The following IFNA5 variants were observed in gnomAD, a reference collection of about 807,000 sequenced individuals.
IFNA5 encodes the protein interferon alpha 5, also known as interferon alpha-5.
For missense variants in IFNA5, 267 were observed against 213.8 expected (o/e 1.25, Z -1.55); for synonymous variants, 95 against 77.6 (o/e 1.22, Z -1.18).
chr9:21,304,700 C>T lies in IFNA5; in HGVS notation c.557G>A (p.Arg186Lys), dbSNP rs970344223. 2 of 1,612,608 alleles carry T rather than the reference C, an allele frequency of 1.2e-6. No homozygotes were observed. Among genetic ancestry groups the T allele is most frequent in the African/African-American group, 2.7e-5 (2 of 74,806 alleles). The part of the protein sequence containing the change: ...SLSANLQERL[R>K]RKE Reference sequence around the variant, plus strand: ...TTGAACCAGTTTTCATTCCTTCCTCCTTAATCTTTCTTGCAAGTTTGCTGA... The same window carrying T: ...TTGAACCAGTTTTCATTCCTTCCTCTTTAATCTTTCTTGCAAGTTTGCTGA... The change falls in exon 1 of 1, where the codon AGG becomes AAG. Residue 186 changes from arginine (R) to lysine (K), a missense_variant. Physicochemically the swap from Arg to Lys is conservative, Grantham distance 26. Transcript: ENST00000610521.
In IFNA5 at chr9:21,304,560, A is replaced by G; in HGVS notation, c.*127T>C. 1 of 1,108,266 alleles carries G rather than the reference A, an allele frequency of 9.0e-7. No individual in the cohort carries two copies. The highest frequency in any genetic ancestry group is 1.3e-6 in the Non-Finnish European group (1 of 773,668). The allele number at this position is 1,108,266 out of a possible 1,614,324, so 68.7% of individuals were successfully genotyped here. On this transcript the variant is annotated 3_prime_UTR_variant, in exon 1 of 1. Transcript: ENST00000610521. ...AGAAGTGTTGCTTAACACGTGTGAA[A>G]CGTTTGAAAATTTTGATTCAACTCA...
chr9:21,304,725 A>T lies in IFNA5; in HGVS notation c.532T>A (p.Ser178Thr), dbSNP rs1276797549. Reference protein sequence around the residue: ...RAEIMRSFSLSANLQERLRRK... With the variant: ...RAEIMRSFSLTANLQERLRRK... ...CTTAATCTTTCTTGCAAGTTTGCTG[A>T]TAAAGAGAAGGATCTCATGATTTCT... The change falls in exon 1 of 1, where the codon TCA becomes ACA. Residue 178 changes from serine (S) to threonine (T), a missense_variant. By Grantham distance (58) the Ser-to-Thr change is moderately conservative (BLOSUM62 1). Transcript: ENST00000610521. The T allele has an allele frequency of 6.2e-7, 1 of 1,612,456 alleles. No homozygotes were observed. Among genetic ancestry groups the T allele is most frequent in the Non-Finnish European group, 8.5e-7 (1 of 1,179,720 alleles).
In IFNA5 at chr9:21,304,883, T is replaced by G. The variant is rs773114166; in HGVS notation, c.374A>C (p.Gln125Pro). The G allele has an allele frequency of 1.9e-6, 3 of 1,614,224 alleles. No individual in the cohort carries two copies. In the South Asian group the frequency reaches 3.3e-5, roughly 18 times the overall value. Residue 125 changes from glutamine to proline, a missense_variant, in exon 1 of 1, where the codon CAG (glutamine) becomes CCG (proline). Coordinates refer to ENST00000610521, the MANE Select transcript of IFNA5 (RefSeq NM_002169.3). ...QLNDLEACMM[Q>P]EVGVEDTPLM... ...AGGAGTGTCTTCCACTCCAACCTCC[T>G]GCATCATACAGGCTTCCAGGTCATT...
chr9:21,305,072 G>C lies in IFNA5; in HGVS notation c.185C>G (p.Pro62Arg). The change falls in exon 1 of 1, where the codon CCT (proline) becomes CGT (arginine). Residue 62 changes from proline (P) to arginine (R), a missense_variant. Pro to Arg is a moderately radical substitution (Grantham distance 103). Transcript: ENST00000610521. ...CTGGTTGCCATCAAACTCCTCCTGA[G>C]GAAATCCAAAGTCATGTCTGTCCTT... ...CLKDRHDFGF[P>R]QEEFDGNQFQ... 1 of 1,614,224 alleles carries C rather than the reference G, an allele frequency of 6.2e-7. No individual in the cohort carries two copies. Among genetic ancestry groups the C allele is most frequent in the East Asian group, 2.2e-5 (1 of 44,882 alleles).
At position 21,304,990 on chromosome 9, in the gene IFNA5, A is replaced by T. The variant is rs1173183895; in HGVS notation, c.267T>A (p.Asn89Lys). ...CAGATGAGTCCTTTGTGCTGAAGAGATTGAAGGTCTGCTGGATCATCTCAT... is the reference window on the plus strand; with the variant it reads ...CAGATGAGTCCTTTGTGCTGAAGAGTTTGAAGGTCTGCTGGATCATCTCAT... The part of the protein sequence containing the change: ...VLHEMIQQTF[N>K]LFSTKDSSAT... Residue 89 changes from asparagine to lysine, a missense_variant, in exon 1 of 1, where the codon AAT (asparagine) becomes AAA (lysine). By Grantham distance (94) the Asn-to-Lys change is moderately conservative. Transcript: ENST00000610521. The T allele has an allele frequency of 1.9e-6, 3 of 1,614,066 alleles. No homozygotes were observed. Among genetic ancestry groups the T allele is most frequent in the Admixed American group, 1.7e-5 (1 of 60,004 alleles).
At position 21,305,094 on chromosome 9, in the gene IFNA5, C is replaced by A. The variant is rs140936266; in HGVS notation, c.163G>T (p.Asp55Tyr). Residue 55 changes from aspartate to tyrosine, a missense_variant, in exon 1 of 1, where the codon GAC becomes TAC. Physicochemically the swap from Asp to Tyr is radical, Grantham distance 160 (BLOSUM62 -3). Coordinates refer to ENST00000610521, the MANE Select transcript of IFNA5 (RefSeq NM_002169.3). ...TGAGGAAATCCAAAGTCATGTCTGT[C>A]CTTCAGGCAGGAGAAAGGAGAGATT... Reference protein sequence around the residue: ...GRISPFSCLKDRHDFGFPQEE... With the variant: ...GRISPFSCLKYRHDFGFPQEE... 6.2e-7 allele frequency: 1 copy of A among 1,614,062 alleles called. No homozygotes were observed. Among genetic ancestry groups the A allele is most frequent in the African/African-American group, 1.3e-5 (1 of 74,918 alleles).
Sources: gnomAD v4.1 joint callset for allele counts on GRCh38, gnomAD v4.1.1 for gene constraint, MANE v1.5 for transcripts, NCBI Gene and HGNC (gene_info 2026-07-23, HGNC 2026-07-21) for gene names.